Variants in NKAIN2 observed in about 807,000 individuals in gnomAD.
The protein encoded by NKAIN2 is sodium/potassium transporting ATPase interacting 2.
In NKAIN2, 14 loss-of-function variants were observed where a neutral mutation model predicts 32.6. The observed-to-expected ratio is 0.43, with a 90% confidence interval of 0.28 to 0.67. The LOEUF is 0.67. NKAIN2 is among the 30% of genes least tolerant of loss of function. The probability of loss-of-function intolerance (pLI) is 0.17; values close to 1 mark genes in which losing one functional copy is unlikely to be tolerated. For missense variants in NKAIN2, 198 were observed against 258.3 expected, an observed-to-expected ratio of 0.77 and a Z score of 1.60; for synonymous variants, 80 against 87.2, an observed-to-expected ratio of 0.92 and a Z score of 0.46.
intron 4 of NKAIN2, among the ~76,000 whole-genome samples, chr6:124,742,535 G>A (rs1171718830): frequency 6.6e-6 from 1 of 151,744 alleles, no homozygotes; most frequent in Non-Finnish European, 1.5e-5. Context: ...TCTCTGACTT[G>A]CAGACAGCCA....
intron 1 of NKAIN2, among the ~76,000 whole-genome samples, chr6:124,022,699 G>C (rs1468481540): frequency 6.6e-6 from 1 of 152,132 alleles, no homozygotes; most frequent in Non-Finnish European, 1.5e-5. Flanking sequence ...AGCTCAAGAT[G>C]AGTTATTTAC....
At chr6:123,928,721 G>C (rs1246447442) in intron 1 of NKAIN2, among the ~76,000 whole-genome samples, 1 of 152,096 alleles carries the variant, frequency 6.6e-6, no homozygotes, top group African/African-American at 2.4e-5. Flanking sequence ...TGTTTACATA[G>C]TCTACTGTAT....
intron 4 of NKAIN2, among the ~76,000 whole-genome samples, chr6:124,688,028 T>C (rs1774073570): frequency 6.6e-6 from 1 of 152,016 alleles, no homozygotes; most frequent in African/African-American, 2.4e-5. Flanking sequence ...CCATCATTAT[T>C]CATCACAGGT....
chr6:124,746,746 T>G (rs2114701313), intron 4 of NKAIN2, among the ~76,000 whole-genome samples: 1 of 152,006 alleles, frequency 6.6e-6, no homozygotes, highest in Admixed American at 6.6e-5. Flanking sequence ...AAAGAAATTT[T>G]TCAATGCCAA....
intron 4 of NKAIN2, among the ~76,000 whole-genome samples, chr6:124,697,966 C>T (rs941428570): frequency 6.6e-5 from 10 of 152,030 alleles, no homozygotes; most frequent in African/African-American, 1.4e-4. Flanking sequence ...TGGGGTTGTA[C>T]GATCCCTGAC....
intron 1 of NKAIN2, among the ~76,000 whole-genome samples, chr6:124,087,911 T>G (rs1784255324): frequency 6.6e-6 from 1 of 151,948 alleles, no homozygotes; most frequent in African/African-American, 2.4e-5. Flanking sequence ...TTTATTATAG[T>G]GGAATATACT....
intron 3 of NKAIN2, among the ~76,000 whole-genome samples, chr6:124,433,874 T>A (rs1775324495): frequency 6.6e-6 from 1 of 152,126 alleles, no homozygotes; most frequent in Non-Finnish European, 1.5e-5. Flanking sequence ...CACAAAAGCA[T>A]TTGGGATTGT....
At chr6:124,060,744 C>T (rs753608406) in intron 1 of NKAIN2, among the ~76,000 whole-genome samples, 27 of 151,950 alleles carry the variant, frequency 1.8e-4, no homozygotes, top group Non-Finnish European at 3.1e-4. Flanking sequence ...TAAATTTCAT[C>T]GTCAGTGTTT....
chr6:124,129,663 G>A (rs902962944), intron 1 of NKAIN2, among the ~76,000 whole-genome samples: 8 of 151,944 alleles, frequency 5.3e-5, no homozygotes, highest in Non-Finnish European at 8.8e-5. Context: ...TGTTGCCCAA[G>A]CTGAAGTGCA....
At chr6:123,815,746 A>T (rs988821012) in intron 1 of NKAIN2, among the ~76,000 whole-genome samples, 14 of 152,096 alleles carry the variant, frequency 9.2e-5, no homozygotes, top group African/African-American at 3.4e-4. Context: ...CATTTAAGAG[A>T]TTATATACAT....
intron 1 of NKAIN2, among the ~76,000 whole-genome samples, chr6:124,131,976 A>G (rs185843244): frequency 3.4e-4 from 52 of 152,272 alleles, no homozygotes; most frequent in African/African-American, 1.2e-3. Flanking sequence ...TGTGGCCTGA[A>G]AGCCATGCTT....
intron 1 of NKAIN2, among the ~76,000 whole-genome samples, chr6:124,083,397 T>G (rs893902966): frequency 6.6e-6 from 1 of 152,096 alleles, no homozygotes; most frequent in African/African-American, 2.4e-5. Context: ...TCATTACTTT[T>G]TTAAACATAA....
chr6:124,776,088 A>T (rs1436016124), intron 4 of NKAIN2, among the ~76,000 whole-genome samples: 1 of 152,102 alleles, frequency 6.6e-6, no homozygotes, highest in Non-Finnish European at 1.5e-5. Context: ...CCTAAATCCA[A>T]TTGCAGTTTG....
intron 4 of NKAIN2, among the ~76,000 whole-genome samples, chr6:124,757,094 TC>T (rs1176485555): frequency 1.9e-5 from 2 of 102,876 alleles, no homozygotes; most frequent in East Asian, 2.2e-4. Context: ...TTTCTTCTAT[TC>T]CCTCCACTGT....
intron 4 of NKAIN2, among the ~76,000 whole-genome samples, chr6:124,780,525 G>A (rs1779214262): frequency 6.6e-6 from 1 of 152,184 alleles, no homozygotes; most frequent in Admixed American, 6.5e-5. Flanking sequence ...CAAACAGCAT[G>A]GCATGTATAG....
rs546141260 is a variant in NKAIN2, at chr6:123,945,745, A to C, written c.54+141491A>C. On this transcript the variant is annotated intron_variant, in intron 1 of 6. Coordinates refer to ENST00000368417, the MANE Select transcript of NKAIN2 (RefSeq NM_001040214.3). Reference sequence around the variant, plus strand: ...ACCCTTGGAAGTGTACCATTTCTACATAACAATTGGATTTCTGAGAAATTC... The same window carrying C: ...ACCCTTGGAAGTGTACCATTTCTACCTAACAATTGGATTTCTGAGAAATTC... Among the ~76,000 whole-genome samples, 2 of 152,144 alleles carry C rather than the reference A, an allele frequency of 1.3e-5. 1 individual carries two copies. The highest frequency in any genetic ancestry group is 4.1e-4 in the South Asian group (2 of 4,828).
intron 2 of NKAIN2, among the ~76,000 whole-genome samples, chr6:124,335,725 A>T (rs1431927930): frequency 5.3e-5 from 8 of 152,148 alleles, no homozygotes. Flanking sequence ...TTATTCTAAT[A>T]TTCTTAACAT....
intron 1 of NKAIN2, among the ~76,000 whole-genome samples, chr6:124,265,372 T>C (rs986034929): frequency 6.6e-6 from 1 of 152,170 alleles, no homozygotes; most frequent in South Asian, 2.1e-4. Flanking sequence ...TTATGCTTCA[T>C]TTTTAATACT....
rs571029226 is a variant in NKAIN2, at chr6:124,230,532, C to T, written c.55-52473C>T. On this transcript the variant is annotated intron_variant, in intron 1 of 6. Transcript: ENST00000368417. ...CTTTTCCAACAGACCCTGCCATCAG[C>T]CCAGAGGTTTAGGAAGGAAAAATGG... Among the ~76,000 whole-genome samples the T allele has an allele frequency of 5.3e-4, 81 of 152,246 alleles. No individual in the cohort carries two copies. In the South Asian group the frequency reaches 0.017, roughly 32 times the overall value.
Sources: allele counts gnomAD v4.1 joint callset (sites outside exome capture counted in the v4.1 genomes callset), GRCh38; gene constraint gnomAD v4.1.1; transcripts MANE v1.5; gene names NCBI Gene and HGNC (gene_info 2026-07-23, HGNC 2026-07-21).